Variants in TENM2 observed in about 807,000 individuals in gnomAD.
TENM2 encodes the protein teneurin-2.
In TENM2, 52 loss-of-function variants were observed where a neutral mutation model predicts 245.2. The observed-to-expected ratio is 0.21, with a 90% confidence interval of 0.17 to 0.27. TENM2 has a LOEUF of 0.27. TENM2 is among the 10% of genes least tolerant of loss of function. The pLI is 1.00. For synonymous variants in TENM2, 1,363 were observed against 1,438.9 expected (o/e 0.95, Z 1.19); for missense variants, 3,046 against 3,666.8 (o/e 0.83, Z 4.37).
the TENM2 span, among the ~76,000 whole-genome samples, chr5:167,207,563 A>G: frequency 6.6e-6 from 1 of 152,192 alleles, no homozygotes; most frequent in African/African-American, 2.4e-5. Context: ...GCAGCCAGAC[A>G]CGGAGTTAGA....
chr5:167,896,332 A>G (rs1403544036), intron 3 of TENM2, among the ~76,000 whole-genome samples: 1 of 152,202 alleles, frequency 6.6e-6, no homozygotes, highest in Non-Finnish European at 1.5e-5. Flanking sequence ...TAGCACACAG[A>G]TGTGTCCAGA....
chr5:168,200,159 A>C, intron 17 of TENM2, 28 bp downstream of exon 19: 2 of 1,597,646 alleles, frequency 1.3e-6, no homozygotes, highest in Non-Finnish European at 1.7e-6. Context: ...CCACTTATTG[A>C]TCAATGGATT....
chr5:167,980,815 G>A (rs956409570), intron 4 of TENM2, among the ~76,000 whole-genome samples: 1 of 152,116 alleles, frequency 6.6e-6, no homozygotes, highest in Admixed American at 6.5e-5. Context: ...AAGGGGATGT[G>A]TTGGAGGCAA....
At chr5:167,458,494 CAAAA>C (rs70976430) in intron 2 of TENM2, among the ~76,000 whole-genome samples, 5 of 82,024 alleles carry the variant, frequency 6.1e-5, no homozygotes, top group South Asian at 4.8e-4. Flanking sequence ...CTCAAAAAAA[CAAAA>C]AAAAAAAAAA....
At chr5:167,706,123 C>A (rs1170940092) in intron 2 of TENM2, among the ~76,000 whole-genome samples, 1 of 142,382 alleles carries the variant, frequency 7.0e-6, no homozygotes, top group Non-Finnish European at 1.5e-5. Flanking sequence ...TATAATTATA[C>A]CAGTATATAT....
the TENM2 span, among the ~76,000 whole-genome samples, chr5:167,232,935 A>G: frequency 6.6e-6 from 1 of 152,188 alleles, no homozygotes; most frequent in Non-Finnish European, 1.5e-5. Flanking sequence ...TACTCTAGCA[A>G]AGCAATTTGC....
At chr5:167,566,099 T>C (rs1444796908) in intron 2 of TENM2, among the ~76,000 whole-genome samples, 1 of 152,174 alleles carries the variant, frequency 6.6e-6, no homozygotes, top group Non-Finnish European at 1.5e-5. Context: ...AATGATCTCA[T>C]TGAGATCCCT....
intron 1 of TENM2, among the ~76,000 whole-genome samples, chr5:167,353,547 G>T (rs377760846): frequency 1.5e-4 from 17 of 109,758 alleles, no homozygotes; most frequent in Admixed American, 4.4e-4. Flanking sequence ...TCGCTCTGTC[G>T]CCCAGGCTGG....
chr5:168,066,708 C>A (rs1790536203), intron 7 of TENM2, among the ~76,000 whole-genome samples: 1 of 152,070 alleles, frequency 6.6e-6, no homozygotes, highest in South Asian at 2.1e-4. Flanking sequence ...AAAAAAAAGT[C>A]AATCTGAGTC....
intron 9 of TENM2, among the ~76,000 whole-genome samples, chr5:168,111,475 A>C (rs1794665061): frequency 1.3e-5 from 2 of 152,164 alleles, no homozygotes; most frequent in South Asian, 4.1e-4. Flanking sequence ...TGAGCATCAC[A>C]GTCAGGATGG....
At chr5:167,863,488 C>CAA (rs1441824831) in intron 2 of TENM2, among the ~76,000 whole-genome samples, 1 of 148,196 alleles carries the variant, frequency 6.7e-6, no homozygotes, top group African/African-American at 2.6e-5. Flanking sequence ...CACACACACA[C>CAA]ACAAAATTAG....
intron 12 of TENM2, among the ~76,000 whole-genome samples, chr5:168,160,724 A>G (rs1484464065): frequency 6.6e-6 from 1 of 152,192 alleles, no homozygotes; most frequent in African/African-American, 2.4e-5. Flanking sequence ...AGATGCCTTT[A>G]AATTCCCACC....
At chr5:167,515,050 A>G (rs1452094264) in intron 2 of TENM2, among the ~76,000 whole-genome samples, 1 of 152,154 alleles carries the variant, frequency 6.6e-6, no homozygotes, top group Non-Finnish European at 1.5e-5. Context: ...TGTAAACTGC[A>G]TGTATGGAAA....
At chr5:167,197,477 C>G in the TENM2 span, among the ~76,000 whole-genome samples, 740 of 152,126 alleles carry the variant, frequency 4.9e-3, 5 homozygotes, top group African/African-American at 0.014. Flanking sequence ...ACTATAAGAG[C>G]CAAGAGGCTT....
At chr5:167,547,426 G>A (rs553449068) in intron 2 of TENM2, among the ~76,000 whole-genome samples, 34 of 152,288 alleles carry the variant, frequency 2.2e-4, no homozygotes, top group African/African-American at 6.7e-4. Context: ...TAAGAGCAGC[G>A]GCACATGAAG....
chr5:167,482,906 C>T (rs1302960615), intron 2 of TENM2, among the ~76,000 whole-genome samples: 1 of 152,194 alleles, frequency 6.6e-6, no homozygotes, highest in East Asian at 1.9e-4. Flanking sequence ...TCTCTCCTCC[C>T]TCAAACTGAG....
In TENM2 at chr5:167,631,061, G is replaced by T. The variant is rs922410362; in HGVS notation, c.503-244925G>T. Reference sequence around the variant, plus strand: ...ATTGAGTGTCTACCGTGTGCGATATGCTTGTGCCTTTGGGCCTGCCACAGC... The same window carrying T: ...ATTGAGTGTCTACCGTGTGCGATATTCTTGTGCCTTTGGGCCTGCCACAGC... On this transcript the variant is annotated intron_variant, in intron 2 of 28. Coordinates refer to ENST00000518659, the Ensembl canonical transcript of TENM2. Among the ~76,000 whole-genome samples the T allele has an allele frequency of 9.9e-5, 15 of 152,118 alleles. 1 individual carries two copies. Among genetic ancestry groups the T allele is most frequent in the African/African-American group, 3.6e-4 (15 of 41,404 alleles).
chr5:167,323,320 C>A (rs916791327), intron 1 of TENM2, among the ~76,000 whole-genome samples: 1 of 152,170 alleles, frequency 6.6e-6, no homozygotes, highest in Non-Finnish European at 1.5e-5. Flanking sequence ...AGAATTTGAA[C>A]TGACATCGTC....
At chr5:168,118,971 T>TTTG (rs1218161956) in intron 10 of TENM2, among the ~76,000 whole-genome samples, 6 of 152,106 alleles carry the variant, frequency 3.9e-5, no homozygotes, top group Non-Finnish European at 8.8e-5. Context: ...CAAAAAGCTG[T>TTTG]TTGTTGTTAT....
Sources: gnomAD v4.1 joint callset for allele counts (sites outside exome capture counted in the v4.1 genomes callset) on GRCh38, gnomAD v4.1.1 for gene constraint, MANE v1.5 for transcripts, NCBI Gene and HGNC (gene_info 2026-07-23, HGNC 2026-07-21) for gene names.